The following ERC1 variants were observed in gnomAD, a reference collection of about 807,000 sequenced individuals.
The protein encoded by ERC1 is ELKS/RAB6-interacting/CAST family member 1, also known as RAB6 interacting protein 2.
A neutral mutation model predicts 132.0 loss-of-function variants in ERC1; 56 were observed. The ratio of observed to expected loss-of-function variants is 0.42; its 90% CI spans 0.34 to 0.53. The LOEUF is 0.53. Ranked by LOEUF, ERC1 falls within the 20% of genes least tolerant of loss-of-function variation. ERC1 has a pLI of 0.03. For missense variants in ERC1, 1,202 were observed against 1,349.9 expected, an observed-to-expected ratio of 0.89 and a Z score of 1.72; for synonymous variants, 478 against 476.1, an observed-to-expected ratio of 1.00 and a Z score of -0.05.
At position 1,138,184 on chromosome 12, in the gene ERC1, ATC is replaced by A. The variant is rs1949501011; in HGVS notation, c.1570-3435_1570-3434del. On this transcript the variant is annotated intron_variant, in intron 7 of 18. Coordinates refer to ENST00000360905, the MANE Select transcript of ERC1 (RefSeq NM_178040.4). ...ATATATATAATTGTATATAATATAT[ATC>A]ATATATAATTATATATGATATATAT... Among the ~76,000 whole-genome samples, 6 of 102,424 alleles carry A rather than the reference ATC, an allele frequency of 5.9e-5. 1 individual carries two copies. The South Asian group carries it at 1.4e-3, about 25-fold the overall frequency. The allele number at this position is 102,424 out of a possible 152,430, so 67.2% of individuals were successfully genotyped here.
At chr12:1,245,637 A>G (rs17223469) in intron 13 of ERC1, among the ~76,000 whole-genome samples, 4,645 of 152,318 alleles carry the variant, frequency 0.03, 94 homozygotes, top group South Asian at 0.058. Flanking sequence ...TTTTGGTTCA[A>G]CACATTAAAA....
intron 12 of ERC1, among the ~76,000 whole-genome samples, chr12:1,193,692 C>CCTGTTGCAGGCA (rs1955954416): frequency 6.6e-6 from 1 of 152,162 alleles, no homozygotes; most frequent in African/African-American, 2.4e-5. Flanking sequence ...CAGGCACAAG[C>CCTGTTGCAGGCA]CAAAGCTGTG....
chr12:1,151,368 G>C (rs1465501121), intron 8 of ERC1, among the ~76,000 whole-genome samples: 16 of 152,092 alleles, frequency 1.1e-4, no homozygotes, highest in Non-Finnish European at 2.4e-4. Context: ...TTTGCCCCTG[G>C]CTTCCAGATC....
intron 15 of ERC1, among the ~76,000 whole-genome samples, chr12:1,323,663 T>C (rs1048405121): frequency 1.3e-5 from 2 of 152,222 alleles, no homozygotes; most frequent in African/African-American, 4.8e-5. Context: ...AGTTTTTTTC[T>C]CTGAGTATGG....
At chr12:1,160,253 A>G (rs1283790545) in intron 8 of ERC1, among the ~76,000 whole-genome samples, 1 of 152,202 alleles carries the variant, frequency 6.6e-6, no homozygotes, top group African/African-American at 2.4e-5. Flanking sequence ...CAAGCCCCCA[A>G]AAGATTTAGG....
intron 7 of ERC1, among the ~76,000 whole-genome samples, chr12:1,125,770 G>A (rs187692878): frequency 1.2e-3 from 185 of 152,330 alleles, no homozygotes; most frequent in Non-Finnish European, 2.3e-3. Flanking sequence ...AGCTGAGATC[G>A]CACCACTGCA....
chr12:1,083,607 G>T, intron 3 of ERC1, 27 bp downstream of exon 3: 2 of 1,531,528 alleles, frequency 1.3e-6, no homozygotes, highest in Admixed American at 2.1e-5. Context: ...TTAGTTTTAT[G>T]ATTTGTTGGT....
At chr12:1,125,769 C>T (rs1333243227) in intron 7 of ERC1, among the ~76,000 whole-genome samples, 1 of 152,200 alleles carries the variant, frequency 6.6e-6, no homozygotes, top group Non-Finnish European at 1.5e-5. Context: ...GAGCTGAGAT[C>T]GCACCACTGC....
chr12:1,295,000 G>T (rs919986015), intron 15 of ERC1, among the ~76,000 whole-genome samples: 1 of 152,134 alleles, frequency 6.6e-6, no homozygotes, highest in East Asian at 1.9e-4. Context: ...TTAGAAGATG[G>T]TCTGTGTAGC....
At chr12:1,480,955 G>T (rs2094078640) in intron 18 of ERC1, 2 of 701,834 alleles carry the variant, frequency 2.8e-6, no homozygotes, top group Non-Finnish European at 5.2e-6. Flanking sequence ...TCTGTTGCAA[G>T]CTCCCCAGTG....
chr12:1,187,958 C>T (rs1192083233), intron 11 of ERC1, among the ~76,000 whole-genome samples: 3 of 152,146 alleles, frequency 2.0e-5, no homozygotes, highest in East Asian at 1.9e-4. Flanking sequence ...CTAACAAAAG[C>T]GACACTTTCT....
intron 2 of ERC1, 77 bp downstream of exon 2, chr12:1,028,649 A>G (rs1254309337): frequency 1.6e-6 from 2 of 1,212,742 alleles, no homozygotes; most frequent in Non-Finnish European, 2.3e-6. Context: ...CCCCTTTCCT[A>G]GATTTTTCCC....
intron 2 of ERC1, among the ~76,000 whole-genome samples, chr12:1,072,154 T>C (rs897585741): frequency 4.6e-5 from 7 of 151,938 alleles, no homozygotes; most frequent in Non-Finnish European, 4.4e-5. Flanking sequence ...AAAGCTTTTG[T>C]GATCATAGAC....
In ERC1 at chr12:1,115,990, C is replaced by T. The variant is rs1946400649; in HGVS notation, c.1526C>T (p.Ser509Phe). The change falls in exon 7 of 19, where the codon TCC (serine) becomes TTC (phenylalanine). Residue 509 changes from serine (S) to phenylalanine (F), a missense_variant. Ser to Phe is a radical substitution (Grantham distance 155, BLOSUM62 -2). Transcript: ENST00000360905. ...SKQHIEVLKE[S>F]LTAKEQRAAI... Reference sequence around the variant, plus strand: ...CAGCACATTGAAGTGTTGAAGGAGTCCTTGACTGCTAAGGAGCAGAGGGCT... The same window carrying T: ...CAGCACATTGAAGTGTTGAAGGAGTTCTTGACTGCTAAGGAGCAGAGGGCT... 1 of 1,613,892 alleles carries T rather than the reference C, an allele frequency of 6.2e-7. No homozygotes were observed. The highest frequency in any genetic ancestry group is 1.3e-5 in the African/African-American group (1 of 74,906).
intron 8 of ERC1, among the ~76,000 whole-genome samples, chr12:1,143,935 A>G (rs1463495143): frequency 4.6e-5 from 7 of 152,046 alleles, no homozygotes; most frequent in African/African-American, 7.2e-5. Flanking sequence ...GTACTTAGTC[A>G]TCATACTGAA....
At chr12:1,450,999 G>C (rs1592142769) in intron 18 of ERC1, among the ~76,000 whole-genome samples, 2 of 152,144 alleles carry the variant, frequency 1.3e-5, no homozygotes, top group East Asian at 3.9e-4. Context: ...TTTTAAATCA[G>C]GTTTTCTGTT....
At chr12:1,147,565 CA>C (rs1357239449) in intron 8 of ERC1, among the ~76,000 whole-genome samples, 1 of 152,138 alleles carries the variant, frequency 6.6e-6, no homozygotes, top group Non-Finnish European at 1.5e-5. Flanking sequence ...GAAATATGAC[CA>C]GACAACTTTT....
intron 14 of ERC1, among the ~76,000 whole-genome samples, chr12:1,283,407 T>C (rs7962697): frequency 0.32 from 47,947 of 152,098 alleles, 7,893 homozygotes; most frequent in Middle Eastern, 0.44. Flanking sequence ...CTCGTTTCTC[T>C]GGCTGTACCC....
chr12:1,405,190 A>G (rs2091394427), intron 16 of ERC1, among the ~76,000 whole-genome samples: 1 of 144,072 alleles, frequency 6.9e-6, no homozygotes, highest in Non-Finnish European at 1.5e-5. Flanking sequence ...TATAAATAAA[A>G]TAATATAAAA....
Sources: allele counts gnomAD v4.1 joint callset (sites outside exome capture counted in the v4.1 genomes callset), GRCh38; gene constraint gnomAD v4.1.1; transcripts MANE v1.5; gene names NCBI Gene and HGNC (gene_info 2026-07-23, HGNC 2026-07-21).